PRKAR1B: variants seen among roughly 807,000 people sequenced by gnomAD.
The protein encoded by PRKAR1B is cAMP-dependent protein kinase type I-beta regulatory subunit.
PRKAR1B carries 22 observed loss-of-function variants against 46.5 expected under a neutral mutation model. The observed-to-expected ratio is 0.47, with a 90% CI of 0.34 to 0.68. The LOEUF is 0.68. Among genes scored for constraint, PRKAR1B ranks in the 30% least tolerant of loss-of-function variants. The probability of loss-of-function intolerance (pLI) is 0.01; values close to 1 mark genes in which losing one functional copy is unlikely to be tolerated. For missense variants in PRKAR1B, 445 were observed against 535.6 expected, an observed-to-expected ratio of 0.83 and a Z score of 1.67; for synonymous variants, 259 against 217.7, an observed-to-expected ratio of 1.19 and a Z score of -1.67.
At chr7:629,026 A>C (rs1583323105) in intron 4 of PRKAR1B, among the ~76,000 whole-genome samples, 1 of 152,150 alleles carries the variant, frequency 6.6e-6, no homozygotes, top group South Asian at 2.1e-4. Flanking sequence ...TTGCTACACC[A>C]CCTGTGTGTC....
rs1008286553 is a variant in PRKAR1B, at chr7:719,786, G to A, written c.-23+7424C>T. Among the ~76,000 whole-genome samples the A allele has an allele frequency of 7.9e-5, 12 of 151,988 alleles. No individual in the cohort carries two copies. The South Asian group carries it at 1.0e-3, about 13-fold the overall frequency. On this transcript the variant is annotated intron_variant, in intron 1 of 10. Coordinates refer to ENST00000537384, the MANE Select transcript of PRKAR1B (RefSeq NM_001164760.2). ...CCTCCTAGTGACCCTTAATAATCAC[G>A]CCACCCCATCCCTAGCCCCAGGAGA...
intron 9 of PRKAR1B, among the ~76,000 whole-genome samples, chr7:552,314 G>A (rs9691550): frequency 3.5e-4 from 12 of 34,166 alleles, no homozygotes; most frequent in Admixed American, 2.2e-3. Context: ...CCCACCTCCC[G>A]CCCGGGTCCT....
intron 4 of PRKAR1B, among the ~76,000 whole-genome samples, chr7:659,662 G>A (rs1013015398): frequency 6.6e-6 from 1 of 152,188 alleles, no homozygotes; most frequent in Non-Finnish European, 1.5e-5. Flanking sequence ...GCAAGAGGCT[G>A]CTTCCTCCAC....
chr7:650,894 A>G lies in PRKAR1B; in HGVS notation c.440+26335T>C, dbSNP rs902550436. ...GCCCGTGCTGGCGGATGCCTGCGGG[A>G]CTCATCCTGGAGCACCCCTGGCTCA... On this transcript the variant is annotated intron_variant, in intron 4 of 10. Coordinates refer to ENST00000537384, the MANE Select transcript of PRKAR1B (RefSeq NM_001164760.2). 2.0e-5 allele frequency among the ~76,000 whole-genome samples: 3 copies of G among 151,580 alleles called. No homozygotes were observed. In the East Asian group the frequency reaches 5.8e-4, roughly 29 times the overall value.
chr7:670,819 G>A (rs553092961), intron 4 of PRKAR1B, among the ~76,000 whole-genome samples: 190 of 129,382 alleles, frequency 1.5e-3, no homozygotes, highest in African/African-American at 5.2e-3. Context: ...CTCCCACGCC[G>A]TGGCATCCGG....
chr7:670,243 G>A (rs1562603142), intron 4 of PRKAR1B, among the ~76,000 whole-genome samples: 1 of 152,174 alleles, frequency 6.6e-6, no homozygotes, highest in East Asian at 1.9e-4. Flanking sequence ...ATGAGATGGA[G>A]CTACAAGTTC....
chr7:587,555 C>A (rs950113059), intron 7 of PRKAR1B, among the ~76,000 whole-genome samples: 1 of 152,256 alleles, frequency 6.6e-6, no homozygotes, highest in Non-Finnish European at 1.5e-5. Flanking sequence ...CAGATGCAAA[C>A]TTACTTGTGT....
intron 9 of PRKAR1B, among the ~76,000 whole-genome samples, chr7:576,825 G>T (rs1046400698): frequency 1.3e-5 from 2 of 152,120 alleles, no homozygotes; most frequent in African/African-American, 2.4e-5. Flanking sequence ...GCCCCTCAGG[G>T]AAGGGTAGTG....
intron 9 of PRKAR1B, among the ~76,000 whole-genome samples, chr7:563,784 T>C (rs147545407): frequency 6.6e-6 from 1 of 151,950 alleles, no homozygotes; most frequent in African/African-American, 2.4e-5. Context: ...TGTCTGTATG[T>C]ACATGTGTGT....
intron 9 of PRKAR1B, among the ~76,000 whole-genome samples, chr7:571,843 G>GATTCAACAGCC (rs1779533928): frequency 6.6e-6 from 1 of 152,220 alleles, no homozygotes; most frequent in Non-Finnish European, 1.5e-5. Flanking sequence ...CGTCCGCGGT[G>GATTCAACAGCC]AGGTGACGGA....
At chr7:641,578 C>A (rs1001380466) in intron 4 of PRKAR1B, among the ~76,000 whole-genome samples, 5 of 152,116 alleles carry the variant, frequency 3.3e-5, no homozygotes, top group Admixed American at 1.3e-4. Flanking sequence ...TCCAAACTGA[C>A]AACAACCCAC....
chr7:586,515 T>C (rs1780609402), intron 7 of PRKAR1B, among the ~76,000 whole-genome samples: 1 of 152,170 alleles, frequency 6.6e-6, no homozygotes, highest in African/African-American at 2.4e-5. Flanking sequence ...TCCAGCCCTG[T>C]TGGGGGGAAG....
chr7:614,340 G>T (rs976514530), intron 4 of PRKAR1B, among the ~76,000 whole-genome samples: 2 of 152,216 alleles, frequency 1.3e-5, no homozygotes, highest in Non-Finnish European at 2.9e-5. Flanking sequence ...TCTGACAAAA[G>T]GCTGGGTTGA....
intron 7 of PRKAR1B, among the ~76,000 whole-genome samples, chr7:588,591 A>ACGATGGTGG (rs1562541736): frequency 7.5e-5 from 5 of 67,026 alleles, no homozygotes; most frequent in East Asian, 3.0e-4. Context: ...GACAGTGGTG[A>ACGATGGTGG]TGACGGTGGT....
intron 6 of PRKAR1B, among the ~76,000 whole-genome samples, chr7:605,481 C>G (rs141245067): frequency 6.6e-6 from 1 of 152,148 alleles, no homozygotes; most frequent in Admixed American, 6.5e-5. Context: ...GACTGGGCTG[C>G]GGGGCCAGGG....
chr7:570,914 C>CTTCACATCT (rs1779469924), intron 9 of PRKAR1B, among the ~76,000 whole-genome samples: 1 of 152,132 alleles, frequency 6.6e-6, no homozygotes, highest in Non-Finnish European at 1.5e-5. Context: ...TCGGGTCCTG[C>CTTCACATCT]TTCACGTCTC....
intron 4 of PRKAR1B, among the ~76,000 whole-genome samples, chr7:665,745 C>T (rs1305679513): frequency 6.6e-6 from 1 of 152,204 alleles, no homozygotes; most frequent in African/African-American, 2.4e-5. Flanking sequence ...GGAGAGGGGG[C>T]CGTGAAGGCT....
chr7:679,146 A>G (rs958363205), intron 3 of PRKAR1B, among the ~76,000 whole-genome samples: 7 of 152,244 alleles, frequency 4.6e-5, no homozygotes, highest in African/African-American at 1.7e-4. Flanking sequence ...GAGAAATTGC[A>G]AAGATCATTC....
chr7:582,772 G>A (rs971994153), intron 8 of PRKAR1B, among the ~76,000 whole-genome samples: 8 of 152,218 alleles, frequency 5.3e-5, no homozygotes, highest in Non-Finnish European at 7.3e-5. Flanking sequence ...GTGCCTGGTG[G>A]GCACCAGGGG....
Sources: gnomAD v4.1 joint callset for allele counts (sites outside exome capture counted in the v4.1 genomes callset) on GRCh38, gnomAD v4.1.1 for gene constraint, MANE v1.5 for transcripts, NCBI Gene and HGNC (gene_info 2026-07-23, HGNC 2026-07-21) for gene names.